ZNF727: variants seen among roughly 807,000 people sequenced by gnomAD.
ZNF727 encodes the protein zinc finger protein 727.
A neutral mutation model predicts 11.5 loss-of-function variants in ZNF727; 11 were observed. The ratio of observed to expected loss-of-function variants is 0.95; its 90% CI spans 0.60 to 1.58. The LOEUF is 1.58. ZNF727 is among the 40% of genes most tolerant of loss of function. The pLI, the probability that ZNF727 is intolerant of heterozygous loss-of-function variation, is 0.00. For synonymous variants in ZNF727, 171 were observed against 196.1 expected, an observed-to-expected ratio of 0.87 and a Z score of 1.07; for missense variants, 533 against 581.7, an observed-to-expected ratio of 0.92 and a Z score of 0.86.
rs1244910676 is a variant in ZNF727 at position 64,083,694 on chromosome 7, G to T, written c.*5145G>T. ...CTGTGGGAGAATCATGGGTTTCTAG[G>T]GTCACACATGCACTCACTGCTTTAC... On this transcript the variant is annotated 3_prime_UTR_variant, in exon 4 of 4. Transcript: ENST00000456806. 1.3e-5 allele frequency among the ~76,000 whole-genome samples: 2 copies of T among 152,102 alleles called. No individual in the cohort carries two copies. The highest frequency in any genetic ancestry group is 4.8e-5 in the African/African-American group (2 of 41,412).
intron 1 of ZNF727, among the ~76,000 whole-genome samples, chr7:64,058,367 C>T (rs893335551): frequency 1.3e-5 from 2 of 152,192 alleles, no homozygotes; most frequent in African/African-American, 4.8e-5. Flanking sequence ...GACACATGCA[C>T]ACTATATAAT....
chr7:64,073,283 T>A (rs1221781036), intron 3 of ZNF727, among the ~76,000 whole-genome samples: 1 of 143,540 alleles, frequency 7.0e-6, no homozygotes, highest in Admixed American at 7.2e-5. Context: ...ACATATTCCA[T>A]GTTGATGTTT....
intron 1 of ZNF727, among the ~76,000 whole-genome samples, chr7:64,055,471 A>G (rs1022330300): frequency 1.3e-5 from 2 of 152,148 alleles, no homozygotes; most frequent in East Asian, 3.9e-4. Context: ...CTGTTTTGCA[A>G]CCATAACCAC....
rs564668537 is a variant in ZNF727, at chr7:64,070,297, T to C, written c.226+688T>C. Among the ~76,000 whole-genome samples the C allele has an allele frequency of 2.6e-5, 4 of 152,220 alleles. 1 individual carries two copies. In the East Asian group the frequency reaches 7.7e-4, roughly 29 times the overall value. ...AATATAGTTCAGTGTATCTACTTCA[T>C]ACATTTATTAAATATACTGTGTCAT... On this transcript the variant is annotated intron_variant, in intron 3 of 3. Coordinates refer to ENST00000456806, the MANE Select transcript of ZNF727 (RefSeq NM_001159522.3).
At chr7:64,067,983 G>A (rs1221748634) in intron 1 of ZNF727, among the ~76,000 whole-genome samples, 3 of 152,238 alleles carry the variant, frequency 2.0e-5, no homozygotes, top group African/African-American at 7.2e-5. Flanking sequence ...GATATTTGTA[G>A]CTTAAATTTT....
At chr7:64,057,518 G>A (rs1032993149) in intron 1 of ZNF727, among the ~76,000 whole-genome samples, 1 of 152,052 alleles carries the variant, frequency 6.6e-6, no homozygotes, top group African/African-American at 2.4e-5. Flanking sequence ...TGAGTTACAT[G>A]GACACCTTGG....
chr7:64,045,434 G>A lies in ZNF727; in HGVS notation c.-188G>A. On this transcript the variant is annotated 5_prime_UTR_variant, in exon 1 of 4. Transcript: ENST00000456806. ...GGTGCGCAGCTAGAGAGGAAGAGGC[G>A]GGCTCTTCAATATGGCAAGGCCTTC... 1.3e-6 allele frequency: 1 copy of A among 777,466 alleles called. No individual in the cohort carries two copies. The highest frequency in any genetic ancestry group is 2.7e-5 in the East Asian group (1 of 37,192). 48.2% of individuals were successfully genotyped at this position (777,466 alleles called of 1,614,324 possible). A position where few individuals can be genotyped will look rare whatever the true frequency, so the allele number is the denominator to read the frequency against.
At chr7:64,055,338 A>G (rs569549122) in intron 1 of ZNF727, among the ~76,000 whole-genome samples, 3 of 152,074 alleles carry the variant, frequency 2.0e-5, no homozygotes, top group Admixed American at 6.6e-5. Context: ...GAATCACTTG[A>G]ACCCAGGAGC....
At chr7:64,048,087 A>G (rs1449157608) in intron 1 of ZNF727, among the ~76,000 whole-genome samples, 2 of 152,200 alleles carry the variant, frequency 1.3e-5, no homozygotes, top group Non-Finnish European at 2.9e-5. Flanking sequence ...AGTCAGCACT[A>G]CTTCACCCCG....
At position 64,084,061 on chromosome 7, in the gene ZNF727, C is replaced by T. The variant is rs753450099; in HGVS notation, c.*5512C>T. ...GCACCAGAGTTAGGAGAAGTTCTTC[C>T]GTATCAGATGAAAAGATTTATATAC... On this transcript the variant is annotated 3_prime_UTR_variant, in exon 4 of 4. Coordinates refer to ENST00000456806, the MANE Select transcript of ZNF727 (RefSeq NM_001159522.3). 5.9e-5 allele frequency among the ~76,000 whole-genome samples: 9 copies of T among 152,116 alleles called. No homozygotes were observed. The East Asian group carries it at 1.2e-3, about 20-fold the overall frequency.
At position 64,054,773 on chromosome 7, in the gene ZNF727, A is replaced by G. The variant is rs543677846; in HGVS notation, c.3+9149A>G. On this transcript the variant is annotated intron_variant, in intron 1 of 3. Transcript: ENST00000456806. Reference sequence around the variant, plus strand: ...ATATCTCTCTGTAGTCTTAGTGTACATTTCCATTTTTATGATATTATTTTC... The same window carrying G: ...ATATCTCTCTGTAGTCTTAGTGTACGTTTCCATTTTTATGATATTATTTTC... Among the ~76,000 whole-genome samples the G allele has an allele frequency of 3.3e-5, 5 of 152,234 alleles. No homozygotes were observed. In the South Asian group the frequency reaches 1.0e-3, roughly 32 times the overall value.
At chr7:64,069,642 A>C in intron 3 of ZNF727, 33 bp downstream of exon 3, 1 of 1,491,848 alleles carries the variant, frequency 6.7e-7, no homozygotes, top group Non-Finnish European at 9.1e-7. Context: ...AATGACATAA[A>C]TGACGGTTCC....
At chr7:64,051,054 A>G (rs1208065546) in intron 1 of ZNF727, among the ~76,000 whole-genome samples, 2 of 152,186 alleles carry the variant, frequency 1.3e-5, no homozygotes, top group Non-Finnish European at 2.9e-5. Context: ...ATATTTGAAC[A>G]TTTATCTTTG....
At position 64,080,669 on chromosome 7, in the gene ZNF727, G is replaced by C. The variant is rs1202530532; in HGVS notation, c.*2120G>C. On this transcript the variant is annotated 3_prime_UTR_variant, in exon 4 of 4. Transcript: ENST00000456806. The stretch of plus-strand genomic sequence containing the variant: ...TAGGCCTTGCTGGTAATGTAATTTG[G>C]TCATTTGGATGAAAGAAGTCACTCT... Among the ~76,000 whole-genome samples the C allele has an allele frequency of 6.6e-6, 1 of 151,958 alleles. No homozygotes were observed.
intron 3 of ZNF727, among the ~76,000 whole-genome samples, chr7:64,072,604 G>A (rs1388031752): frequency 1.3e-5 from 2 of 152,128 alleles, no homozygotes; most frequent in Non-Finnish European, 2.9e-5. Flanking sequence ...ACCTACTGCT[G>A]TAACCACAAA....
At chr7:64,068,138 A>G (rs955149477) in intron 1 of ZNF727, among the ~76,000 whole-genome samples, 16 of 151,684 alleles carry the variant, frequency 1.1e-4, no homozygotes, top group African/African-American at 3.9e-4. Flanking sequence ...ATCTTCATTT[A>G]TTTACTTGGT....
intron 1 of ZNF727, among the ~76,000 whole-genome samples, chr7:64,056,930 T>C (rs1789694310): frequency 2.0e-5 from 3 of 152,154 alleles, no homozygotes; most frequent in South Asian, 2.1e-4. Flanking sequence ...TTGTATGTGT[T>C]TGTATAAAGA....
intron 1 of ZNF727, among the ~76,000 whole-genome samples, chr7:64,050,579 T>G (rs1236099034): frequency 6.6e-6 from 1 of 152,210 alleles, no homozygotes; most frequent in South Asian, 2.1e-4. Context: ...ATGAGACAGT[T>G]TGAGATTTTG....
At chr7:64,051,020 ATT>A in intron 1 of ZNF727, among the ~76,000 whole-genome samples, 1 of 152,156 alleles carries the variant, frequency 6.6e-6, no homozygotes, top group South Asian at 2.1e-4. Flanking sequence ...TTAAAGCTGT[ATT>A]TAAAATATTT....
Sources: gnomAD v4.1 joint callset for allele counts (sites outside exome capture counted in the v4.1 genomes callset) on GRCh38, gnomAD v4.1.1 for gene constraint, MANE v1.5 for transcripts, NCBI Gene and HGNC (gene_info 2026-07-23, HGNC 2026-07-21) for gene names.